Variants in NEURL1B observed in about 807,000 individuals in gnomAD.
NEURL1B encodes the protein neuralized E3 ubiquitin protein ligase 1B.
A neutral mutation model predicts 37.4 loss-of-function variants in NEURL1B; 13 were observed. The ratio of observed to expected loss-of-function variants is 0.35; its 90% CI spans 0.23 to 0.55. The LOEUF is 0.55. Among genes scored for constraint, NEURL1B ranks in the 20% least tolerant of loss-of-function variants. The probability of loss-of-function intolerance (pLI) is 0.89; values close to 1 mark genes in which losing one functional copy is unlikely to be tolerated. For missense variants in NEURL1B, 790 were observed against 879.2 expected (o/e 0.90, Z 1.28); for synonymous variants, 432 against 426.6 (o/e 1.01, Z -0.16).
intron 2 of NEURL1B, among the ~76,000 whole-genome samples, chr5:172,682,770 G>C (rs903002455): frequency 1.3e-5 from 2 of 152,136 alleles, no homozygotes; most frequent in African/African-American, 2.4e-5. Context: ...CCAGACTCTA[G>C]AGCCAGACAG....
Position 172,683,450 on chromosome 5 carries a change from G to C in NEURL1B, c.609G>C (p.Ala203=). Residue 203 remains alanine (A), a synonymous_variant, in exon 3 of 5, where the codon GCG becomes GCC. Coordinates refer to ENST00000369800, the MANE Select transcript of NEURL1B (RefSeq NM_001142651.3). This position sits in a 1 kb window ranked among gnomAD's most constrained non-coding sequence, Gnocchi z 5.6. ...CCTTCGCTGACACGCTGACGCCCGC[G>C]CGCCTCAGCCAGGCCCGCTTCAGCG... ...ESAFADTLTP[A]RLSQARFSAC... 3 of 1,459,140 alleles carry C rather than the reference G, an allele frequency of 2.1e-6. 1 individual carries two copies. The allele number at this position is 1,459,140 out of a possible 1,614,324, so 90.4% of individuals were successfully genotyped here. A position where few individuals can be genotyped will look rare whatever the true frequency, so the allele number is the denominator to read the frequency against.
intron 1 of NEURL1B, among the ~76,000 whole-genome samples, chr5:172,643,576 G>A (rs1237455619): frequency 2.0e-5 from 3 of 152,100 alleles, no homozygotes; most frequent in East Asian, 1.9e-4. Flanking sequence ...GACTCTTTGC[G>A]GTTCCCTGAG....
In NEURL1B at chr5:172,689,043, AC is replaced by A. The variant is rs1758574506; in HGVS notation, c.*2120del. ...GGTCACGTCCAGCCTCCACTGGGAAACCAGTGACTGAGGCCTGGACCCAGAG... is the reference window on the plus strand; with the variant it reads ...GGTCACGTCCAGCCTCCACTGGGAAACAGTGACTGAGGCCTGGACCCAGAG... On this transcript the variant is annotated 3_prime_UTR_variant, in exon 5 of 5. Transcript: ENST00000369800. 6.6e-6 allele frequency: 1 copy of A among 152,158 alleles called. No homozygotes were observed. Among genetic ancestry groups the A allele is most frequent in the Admixed American group, 6.5e-5 (1 of 15,288 alleles). 9.4% of individuals were successfully genotyped at this position (152,158 alleles called of 1,614,324 possible). A position where few individuals can be genotyped will look rare whatever the true frequency, so the allele number is the denominator to read the frequency against.
chr5:172,680,133 A>G (rs1374506408), intron 2 of NEURL1B, among the ~76,000 whole-genome samples: 1 of 150,460 alleles, frequency 6.6e-6, no homozygotes, highest in Non-Finnish European at 1.5e-5. Context: ...TTATGATCAT[A>G]ATTAATGTTT....
In NEURL1B at chr5:172,642,715, A is replaced by G. The variant is rs138805549; in HGVS notation, c.31+1278A>G. ...TACAAGCCTCTGAGCAACTGCACTC[A>G]AACGTTCAAATTCCCAGAGAGCTGT... On this transcript the variant is annotated intron_variant, in intron 1 of 4. Transcript: ENST00000369800. Among the ~76,000 whole-genome samples, 8 of 152,356 alleles carry G rather than the reference A, an allele frequency of 5.3e-5. No homozygotes were observed. The East Asian group carries it at 1.5e-3, about 29-fold the overall frequency.
chr5:172,649,655 C>A (rs941189592), intron 1 of NEURL1B, among the ~76,000 whole-genome samples: 1 of 152,188 alleles, frequency 6.6e-6, no homozygotes. Context: ...AGCCACCACT[C>A]CTGCCTGGCA....
intron 2 of NEURL1B, among the ~76,000 whole-genome samples, chr5:172,680,688 C>T (rs1758334757): frequency 6.6e-6 from 1 of 152,184 alleles, no homozygotes; most frequent in South Asian, 2.1e-4. Flanking sequence ...TAACCACTCA[C>T]ATTTTAATGT....
chr5:172,672,354 T>C (rs1438454317), intron 2 of NEURL1B, among the ~76,000 whole-genome samples: 1 of 152,182 alleles, frequency 6.6e-6, no homozygotes, highest in East Asian at 1.9e-4. Flanking sequence ...AGCTCTTTTT[T>C]CCTATCCAGC....
At chr5:172,673,021 A>C (rs902039206) in intron 2 of NEURL1B, among the ~76,000 whole-genome samples, 2 of 152,222 alleles carry the variant, frequency 1.3e-5, no homozygotes, top group African/African-American at 2.4e-5. Context: ...ATTGAGGCTC[A>C]ATGAATGTTT....
chr5:172,670,071 G>C lies in NEURL1B; in HGVS notation c.318G>C (p.Pro106=), dbSNP rs1434020892. The part of the protein sequence containing the change: ...ALRFGFTAHD[P]SLMSAQDIPK... ...GCTTCGGCTTCACCGCGCACGATCC[G>C]TCGCTCATGAGCGCCCAGGACATCC... Residue 106 remains proline, a synonymous_variant, in exon 2 of 5, where the codon CCG becomes CCC. Transcript: ENST00000369800. 4 of 1,523,424 alleles carry C rather than the reference G, an allele frequency of 2.6e-6. No homozygotes were observed. The African/African-American group carries it at 4.2e-5, about 16-fold the overall frequency. 94.4% of individuals were successfully genotyped at this position (1,523,424 alleles called of 1,614,324 possible).
Position 172,687,326 on chromosome 5 carries a change from T to G in NEURL1B, c.*401T>G. 1 of 171,652 alleles carries G rather than the reference T, an allele frequency of 5.8e-6. No homozygotes were observed. Among genetic ancestry groups the G allele is most frequent in the East Asian group, 1.6e-4 (1 of 6,374 alleles). The allele number at this position is 171,652 out of a possible 1,614,324, so 10.6% of individuals were successfully genotyped here. ...GAGAGAGAGAGAGAGAATGAACGTG[T>G]AGCGATTTTACCAGGGGTCCCGGCT... On this transcript the variant is annotated 3_prime_UTR_variant, in exon 5 of 5. Transcript: ENST00000369800.
chr5:172,655,638 G>A (rs937620711), intron 1 of NEURL1B, among the ~76,000 whole-genome samples: 6 of 152,076 alleles, frequency 3.9e-5, no homozygotes, highest in Non-Finnish European at 8.8e-5. Context: ...GTATTTTACC[G>A]GCTTCCACGG....
In NEURL1B at chr5:172,686,624, A is replaced by C; in HGVS notation, c.1424-57A>C. 1 of 1,517,370 alleles carries C rather than the reference A, an allele frequency of 6.6e-7. No homozygotes were observed. The highest frequency in any genetic ancestry group is 8.9e-7 in the Non-Finnish European group (1 of 1,123,540). The allele number at this position is 1,517,370 out of a possible 1,614,324, so 94.0% of individuals were successfully genotyped here. A position where few individuals can be genotyped will look rare whatever the true frequency, so the allele number is the denominator to read the frequency against. On this transcript the variant is annotated intron_variant, in intron 4 of 4. Transcript: ENST00000369800. The surrounding 1 kb of genome is among the most constrained non-coding windows in gnomAD (Gnocchi z 7.9). ...GCCCTGCATTCTCGGGGTTGCCCCA[A>C]CAGAGCCCACCTGAGAGAGACATTG...
chr5:172,679,123 G>A (rs1431896710), intron 2 of NEURL1B, among the ~76,000 whole-genome samples: 1 of 152,238 alleles, frequency 6.6e-6, no homozygotes, highest in Non-Finnish European at 1.5e-5. Context: ...GCCAAGTCCC[G>A]GTGCTGGGCT....
intron 1 of NEURL1B, among the ~76,000 whole-genome samples, chr5:172,655,354 T>TC (rs1462718031): frequency 1.3e-5 from 2 of 152,108 alleles, no homozygotes; most frequent in Non-Finnish European, 2.9e-5. Flanking sequence ...TTCCCTCCTT[T>TC]CCCCCTCTGA....
chr5:172,670,973 T>C (rs1388432392), intron 2 of NEURL1B, among the ~76,000 whole-genome samples: 1 of 152,230 alleles, frequency 6.6e-6, no homozygotes, highest in African/African-American at 2.4e-5. Flanking sequence ...CAGCGGCTAA[T>C]GCCCAAATCC....
intron 2 of NEURL1B, among the ~76,000 whole-genome samples, chr5:172,672,520 T>G (rs778726112): frequency 1.5e-4 from 21 of 144,564 alleles, no homozygotes; most frequent in Non-Finnish European, 2.7e-4. Context: ...TGAGATTGCA[T>G]AAATCTGTGA....
At position 172,686,669 on chromosome 5, in the gene NEURL1B, C is replaced by G. The variant is rs572433425; in HGVS notation, c.1424-12C>G. ...ACATTGTTAACATATGTCCTCTTCT[C>G]CCTTTCGGCAGTGACGGCCCCCAGC... On this transcript the variant is annotated splice_polypyrimidine_tract_variant and intron_variant, in intron 4 of 4. Transcript: ENST00000369800. This position sits in a 1 kb window ranked among gnomAD's most constrained non-coding sequence, Gnocchi z 7.9. 3.9e-6 allele frequency: 6 copies of G among 1,547,738 alleles called. No individual in the cohort carries two copies. In the South Asian group the frequency reaches 4.8e-5, roughly 12 times the overall value.
Position 172,670,269 on chromosome 5 carries a change from G to C in NEURL1B, c.516G>C (p.Val172=). The change falls in exon 2 of 5, where the codon GTG becomes GTC. Residue 172 remains valine, a synonymous_variant. Coordinates refer to ENST00000369800, the MANE Select transcript of NEURL1B (RefSeq NM_001142651.3). ...EPVLFHCGVA[V]GGPLWALIDV... is the part of the protein sequence containing the mutation. The stretch of plus-strand genomic sequence containing the variant: ...TGCTCTTCCACTGCGGCGTGGCCGT[G>C]GGCGGCCCGCTCTGGGCGCTCATTG... 7.2e-7 allele frequency: 1 copy of C among 1,387,922 alleles called. No individual in the cohort carries two copies. Among genetic ancestry groups the C allele is most frequent in the Non-Finnish European group, 9.3e-7 (1 of 1,075,604 alleles). 86.0% of individuals were successfully genotyped at this position (1,387,922 alleles called of 1,614,324 possible).
Sources: gnomAD v4.1 joint callset for allele counts (sites outside exome capture counted in the v4.1 genomes callset) on GRCh38, gnomAD v4.1.1 for gene constraint, Gnocchi (gnomAD v3.1) non-coding constraint, MANE v1.5 for transcripts, NCBI Gene and HGNC (gene_info 2026-07-23, HGNC 2026-07-21) for gene names.